AGAP1: variants seen among roughly 807,000 people sequenced by gnomAD.
AGAP1 encodes the protein ArfGAP with GTPase domain, ankyrin repeat and PH domain 1, also known as arf-GAP with GTPase, ANK repeat and PH domain-containing protein 1.
AGAP1 carries 29 observed loss-of-function variants against 105.3 expected under a neutral mutation model. The observed-to-expected ratio is 0.28, with a 90% CI of 0.21 to 0.38. AGAP1 has a LOEUF of 0.38. Among genes scored for constraint, AGAP1 ranks in the 10% least tolerant of loss-of-function variants. AGAP1 has a pLI of 1.00. For missense variants in AGAP1, 998 were observed against 1,165.1 expected (o/e 0.86, Z 2.09); for synonymous variants, 509 against 485.9 (o/e 1.05, Z -0.63).
intron 11 of AGAP1, among the ~76,000 whole-genome samples, chr2:235,913,432 T>A (rs2051717915): frequency 6.6e-6 from 1 of 152,186 alleles, no homozygotes; most frequent in Non-Finnish European, 1.5e-5. Context: ...CTGTCGTTTT[T>A]CTCTTTGTTG....
At chr2:235,773,735 C>T (rs1955638910) in intron 6 of AGAP1, 1 of 363,650 alleles carries the variant, frequency 2.7e-6, no homozygotes, top group Non-Finnish European at 5.4e-6. Context: ...CATGTCCTCT[C>T]CTATGGAAGT....
rs1352192205 is a variant in AGAP1, at chr2:236,083,452, A to G, written c.2114+34171A>G. Among the ~76,000 whole-genome samples, 1 of 152,232 alleles carries G rather than the reference A, an allele frequency of 6.6e-6. No homozygotes were observed. Among genetic ancestry groups the G allele is most frequent in the Non-Finnish European group, 1.5e-5 (1 of 68,044 alleles). ...GAGACATTTTTGGTATAAGCCCATC[A>G]AAGTTGGTGCCTAAATGCTGCAACT... is the stretch of plus-strand genomic sequence containing the variant. On this transcript the variant is annotated intron_variant, in intron 16 of 17. Transcript: ENST00000304032. The surrounding 1 kb of genome is among the most constrained non-coding windows in gnomAD (Gnocchi z 5.3).
chr2:235,534,611 C>A (rs766312664), intron 1 of AGAP1, among the ~76,000 whole-genome samples: 1 of 152,166 alleles, frequency 6.6e-6, no homozygotes, highest in Non-Finnish European at 1.5e-5. Flanking sequence ...TGTTTATATA[C>A]ATGTTCATGT....
rs1232451020 is a variant in AGAP1, at chr2:236,089,961, C to T, written c.2115-30231C>T. ...TAGGTTGGAAAAAAAAAAACTCACA[C>T]TGCTCCTATTATAAATCAACCTTAT... is the stretch of plus-strand genomic sequence containing the variant. On this transcript the variant is annotated intron_variant, in intron 16 of 17. Transcript: ENST00000304032. This position sits in a 1 kb window ranked among gnomAD's most constrained non-coding sequence, Gnocchi z 5.6. Among the ~76,000 whole-genome samples the T allele has an allele frequency of 1.3e-5, 2 of 152,040 alleles. No individual in the cohort carries two copies. Among genetic ancestry groups the T allele is most frequent in the African/African-American group, 4.8e-5 (2 of 41,368 alleles).
At position 235,751,134 on chromosome 2, in the gene AGAP1, G is replaced by A. The variant is rs547051401; in HGVS notation, c.673+646G>A. Among the ~76,000 whole-genome samples, 95 of 152,314 alleles carry A rather than the reference G, an allele frequency of 6.2e-4. No individual in the cohort carries two copies. The highest frequency in any genetic ancestry group is 2.3e-3 in the African/African-American group (94 of 41,574). On this transcript the variant is annotated intron_variant, in intron 6 of 17. Coordinates refer to ENST00000304032, the MANE Select transcript of AGAP1 (RefSeq NM_001037131.3). This position sits in a 1 kb window ranked among gnomAD's most constrained non-coding sequence, Gnocchi z 5.3. ...GGTCACATACTTGTGGATGATCATAGCGCCAGACGTCGTCTATGAGAGAGG... is the reference window on the plus strand; with the variant it reads ...GGTCACATACTTGTGGATGATCATAACGCCAGACGTCGTCTATGAGAGAGG...
rs996128479 is a variant in AGAP1 at position 235,566,626 on chromosome 2, T to C, written c.163+71777T>C. The C allele has an allele frequency of 1.0e-6, 1 of 983,256 alleles. No homozygotes were observed. Among genetic ancestry groups the C allele is most frequent in the Non-Finnish European group, 1.2e-6 (1 of 828,110 alleles). The allele number at this position is 983,256 out of a possible 1,614,324, so 60.9% of individuals were successfully genotyped here. On this transcript the variant is annotated intron_variant, in intron 1 of 17. Coordinates refer to ENST00000304032, the MANE Select transcript of AGAP1 (RefSeq NM_001037131.3). The surrounding 1 kb of genome is among the most constrained non-coding windows in gnomAD (Gnocchi z 5.2). ...CTGTCTCCTGCCTCTCTTATTTATG[T>C]TGTATGCCTGACACCTTCCTCATGC...
rs769373520 is a variant in AGAP1 at position 236,099,409 on chromosome 2, C to T, written c.2115-20783C>T. On this transcript the variant is annotated intron_variant, in intron 16 of 17. Transcript: ENST00000304032. ...GGAGGAGGTTGCGGTGAGCCGAGAT[C>T]ACACCACTGCACTCCAGCCTGGGCG... Among the ~76,000 whole-genome samples, 6 of 150,134 alleles carry T rather than the reference C, an allele frequency of 4.0e-5. No individual in the cohort carries two copies. In the South Asian group the frequency reaches 1.3e-3, roughly 32 times the overall value.
rs57667134 is a variant in AGAP1, at chr2:235,888,548, A to G, written c.1155+5099A>G. ...GAGAGACCCCATCTCTACAACAAAT[A>G]AAAAAGTGAGCCAGGTGTGGTGGAG... On this transcript the variant is annotated intron_variant, in intron 10 of 17. Transcript: ENST00000304032. The surrounding 1 kb of genome is among the most constrained non-coding windows in gnomAD (Gnocchi z 4.8). Among the ~76,000 whole-genome samples the G allele has an allele frequency of 9.8e-3, 1,491 of 152,144 alleles. 25 individuals are homozygous for G. The highest frequency in any genetic ancestry group is 0.035 in the African/African-American group (1,442 of 41,508).
At chr2:235,634,664 A>G (rs1371946327) in intron 1 of AGAP1, among the ~76,000 whole-genome samples, 2 of 152,110 alleles carry the variant, frequency 1.3e-5, no homozygotes, top group African/African-American at 4.8e-5. Context: ...TCCACATTCC[A>G]TTTTAGAGAG....
intron 5 of AGAP1, among the ~76,000 whole-genome samples, chr2:235,746,134 A>G (rs1192692361): frequency 6.6e-6 from 1 of 151,982 alleles, no homozygotes; most frequent in African/African-American, 2.4e-5. Flanking sequence ...TCAAAAAAAT[A>G]AAAAGCCGGG....
At chr2:235,647,473 A>G (rs1244618424) in intron 1 of AGAP1, among the ~76,000 whole-genome samples, 1 of 152,034 alleles carries the variant, frequency 6.6e-6, no homozygotes, top group Non-Finnish European at 1.5e-5. Context: ...CTGCAGCCTC[A>G]GACTCCCAGG....
At position 235,692,934 on chromosome 2, in the gene AGAP1, G is replaced by A. The variant is rs1046622217; in HGVS notation, c.164-16245G>A. ...GCAGGACCTGTTGCTGTCGGTGGTG[G>A]CATCAGTGGAGTTGGCAGGTACTGT... On this transcript the variant is annotated intron_variant, in intron 1 of 17. Coordinates refer to ENST00000304032, the MANE Select transcript of AGAP1 (RefSeq NM_001037131.3). The surrounding 1 kb of genome is among the most constrained non-coding windows in gnomAD (Gnocchi z 5.8). Among the ~76,000 whole-genome samples the A allele has an allele frequency of 2.6e-5, 4 of 152,130 alleles. No individual in the cohort carries two copies. Among genetic ancestry groups the A allele is most frequent in the Non-Finnish European group, 5.9e-5 (4 of 68,024 alleles).
chr2:235,968,707 C>T, intron 13 of AGAP1, 84 bp downstream of exon 13: 1 of 1,402,104 alleles, frequency 7.1e-7, no homozygotes. Flanking sequence ...ATTAGACACC[C>T]TTAGCACAAC....
At chr2:235,682,996 T>C (rs1949168982) in intron 1 of AGAP1, among the ~76,000 whole-genome samples, 1 of 152,078 alleles carries the variant, frequency 6.6e-6, no homozygotes, top group Non-Finnish European at 1.5e-5. Flanking sequence ...AAACGCAAAG[T>C]AAATTCTTCC....
rs1253193279 is a variant in AGAP1, at chr2:235,752,640, A to T, written c.673+2152A>T. Reference sequence around the variant, plus strand: ...CGTGCAGAGAGCTTGCCGGTCCCCGATGCAGGATATCAGGGACTCAGTTGT... The same window carrying T: ...CGTGCAGAGAGCTTGCCGGTCCCCGTTGCAGGATATCAGGGACTCAGTTGT... On this transcript the variant is annotated intron_variant, in intron 6 of 17. Coordinates refer to ENST00000304032, the MANE Select transcript of AGAP1 (RefSeq NM_001037131.3). This position sits in a 1 kb window ranked among gnomAD's most constrained non-coding sequence, Gnocchi z 4.3. 6.6e-6 allele frequency among the ~76,000 whole-genome samples: 1 copy of T among 152,158 alleles called. No homozygotes were observed. Among genetic ancestry groups the T allele is most frequent in the African/African-American group, 2.4e-5 (1 of 41,430 alleles).
chr2:235,563,247 G>A (rs139844510), intron 1 of AGAP1, among the ~76,000 whole-genome samples: 150 of 152,008 alleles, frequency 9.9e-4, no homozygotes, highest in African/African-American at 3.2e-3. Flanking sequence ...TGGCCCACTC[G>A]GCGTCCCCAG....
intron 9 of AGAP1, among the ~76,000 whole-genome samples, chr2:235,831,115 T>C (rs1959311779): frequency 6.6e-6 from 1 of 151,014 alleles, no homozygotes; most frequent in Non-Finnish European, 1.5e-5. Flanking sequence ...TCTGCACTGA[T>C]GACAGCTGTT....
At position 235,883,503 on chromosome 2, in the gene AGAP1, G is replaced by A. The variant is rs917591698; in HGVS notation, c.1155+54G>A. ...CAGCTGCAGACCTCAACTAAACACT[G>A]TGGGGAAGGGGAACCTACCAGCAGC... On this transcript the variant is annotated intron_variant, in intron 10 of 17. Transcript: ENST00000304032. The surrounding 1 kb of genome is among the most constrained non-coding windows in gnomAD (Gnocchi z 4.5). 37 of 1,449,534 alleles carry A rather than the reference G, an allele frequency of 2.6e-5. 1 individual carries two copies. The East Asian group carries it at 8.5e-4, about 33-fold the overall frequency. 89.8% of individuals were successfully genotyped at this position (1,449,534 alleles called of 1,614,324 possible).
chr2:235,703,784 A>G (rs563548483), intron 1 of AGAP1, among the ~76,000 whole-genome samples: 2 of 152,042 alleles, frequency 1.3e-5, no homozygotes, highest in South Asian at 2.1e-4. Context: ...TTTAGTAGAG[A>G]TGGAGTTTTG....
Sources: allele counts gnomAD v4.1 joint callset (sites outside exome capture counted in the v4.1 genomes callset), GRCh38; gene constraint gnomAD v4.1.1; non-coding constraint Gnocchi (gnomAD v3.1); transcripts MANE v1.5; gene names NCBI Gene and HGNC (gene_info 2026-07-23, HGNC 2026-07-21).